The following RPGRIP1L variants were observed in gnomAD, a reference collection of about 807,000 sequenced individuals.
RPGRIP1L encodes the protein RPGRIP1 like.
Under a neutral mutation model 160.4 loss-of-function variants are expected in RPGRIP1L, and 131 were observed. That is an observed-to-expected ratio of 0.82 (90% CI 0.71 to 0.94). The LOEUF (loss-of-function observed/expected upper bound fraction) is 0.94. Among genes scored for constraint, RPGRIP1L ranks in the 40% least tolerant of loss-of-function variants. The probability of loss-of-function intolerance (pLI) is 0.00; values close to 1 mark genes in which losing one functional copy is unlikely to be tolerated. For synonymous variants in RPGRIP1L, 510 were observed against 515.8 expected, an observed-to-expected ratio of 0.99 and a Z score of 0.15; for missense variants, 1,522 against 1,535.8, an observed-to-expected ratio of 0.99 and a Z score of 0.15.
At chr16:53,629,794 A>G (rs555844928) in intron 22 of RPGRIP1L, among the ~76,000 whole-genome samples, 2 of 152,192 alleles carry the variant, frequency 1.3e-5, no homozygotes, top group Non-Finnish European at 2.9e-5. Context: ...GCTATATGGT[A>G]TTCAACTGTG....
Position 53,601,137 on chromosome 16 carries a change from A to T in RPGRIP1L, c.*939T>A, listed in dbSNP as rs781691981. On this transcript the variant is annotated 3_prime_UTR_variant, in exon 27 of 27. Coordinates refer to ENST00000647211, the MANE Select transcript of RPGRIP1L (RefSeq NM_015272.5). Reference sequence around the variant, plus strand: ...AGATTGGGTAAAAGCTAGAAAATTAACTTTCAGAGCTGCTTTTCGAGGATC... The same window carrying T: ...AGATTGGGTAAAAGCTAGAAAATTATCTTTCAGAGCTGCTTTTCGAGGATC... 2.6e-5 allele frequency: 4 copies of T among 152,662 alleles called. No individual in the cohort carries two copies. The highest frequency in any genetic ancestry group is 5.9e-5 in the Non-Finnish European group (4 of 68,048). 9.5% of individuals were successfully genotyped at this position (152,662 alleles called of 1,614,324 possible).
rs370703272 is a variant in RPGRIP1L at position 53,700,707 on chromosome 16, T to A, written c.17A>T (p.Asp6Val). 7 of 1,613,134 alleles carry A rather than the reference T, an allele frequency of 4.3e-6. No individual in the cohort carries two copies. Among genetic ancestry groups the A allele is most frequent in the Non-Finnish European group, 5.1e-6 (6 of 1,179,592 alleles). MSGPTDETAGDLPVKD... is the reference protein window; with the variant it reads MSGPTVETAGDLPVKD... ...CACAGGCAAGTCTCCTGCAGTCTCA[T>A]CAGTTGGACCAGACATGGCCTAGCT... Residue 6 changes from aspartate (D) to valine (V), a missense_variant, in exon 2 of 27, where the codon GAT becomes GTT. Transcript: ENST00000647211.
In RPGRIP1L at chr16:53,648,967, C is replaced by A. The variant is rs1338012833; in HGVS notation, c.2301G>T (p.Gln767His). 7 of 1,613,634 alleles carry A rather than the reference C, an allele frequency of 4.3e-6. No homozygotes were observed. The highest frequency in any genetic ancestry group is 5.1e-6 in the Non-Finnish European group (6 of 1,179,682). ...TSNFKGPEHMQSLSQQAPKTA... is the reference protein window; with the variant it reads ...TSNFKGPEHMHSLSQQAPKTA... ...TCTTAAAGCCAAATGAGCTTACCGACTGCATATGCTCTGGCCCCTTAAAAT... is the reference window on the plus strand; with the variant it reads ...TCTTAAAGCCAAATGAGCTTACCGAATGCATATGCTCTGGCCCCTTAAAAT... The change falls in exon 16 of 27, where the codon CAG becomes CAT. Residue 767 changes from glutamine (Q) to histidine (H), a missense_variant. Gln to His is a conservative substitution (Grantham distance 24). Coordinates refer to ENST00000647211, the MANE Select transcript of RPGRIP1L (RefSeq NM_015272.5).
intron 10 of RPGRIP1L, among the ~76,000 whole-genome samples, chr16:53,661,637 C>T (rs1967808293): frequency 6.6e-6 from 1 of 152,136 alleles, no homozygotes; most frequent in African/African-American, 2.4e-5. Context: ...CATGACTGTT[C>T]CATCTTTATC....
intron 9 of RPGRIP1L, 48 bp from the exon 10 acceptor site, chr16:53,665,057 A>T (rs4133016): frequency 6.2e-7 from 1 of 1,609,792 alleles, no homozygotes; most frequent in African/African-American, 1.3e-5. Flanking sequence ...ATCAGCTTCA[A>T]CCGAAAATAA....
At chr16:53,651,148 T>A (rs980695756) in intron 15 of RPGRIP1L, among the ~76,000 whole-genome samples, 1 of 152,170 alleles carries the variant, frequency 6.6e-6, no homozygotes, top group Admixed American at 6.5e-5. Flanking sequence ...CCTTTCCCAG[T>A]TTTCCCTATC....
intron 16 of RPGRIP1L, among the ~76,000 whole-genome samples, chr16:53,648,043 G>A (rs1430974567): frequency 6.8e-6 from 1 of 146,420 alleles, no homozygotes; most frequent in Non-Finnish European, 1.5e-5. Flanking sequence ...GGCGGAGCTT[G>A]CAGTGAGCAG....
Position 53,692,239 on chromosome 16 carries a change from A to T in RPGRIP1L, c.356T>A (p.Val119Asp). 6.2e-7 allele frequency: 1 copy of T among 1,614,092 alleles called. No individual in the cohort carries two copies. The highest frequency in any genetic ancestry group is 1.3e-5 in the African/African-American group (1 of 75,002). The part of the protein sequence containing the change: ...EEMIEQLQEK[V>D]HELEKQNETL... ...TTCATTTTGTTTTTCAAGCTCATGA[A>T]CTTTCTCTTGCAGCTGCTCAATCAT... is the stretch of plus-strand genomic sequence containing the variant. Residue 119 changes from valine to aspartate, a missense_variant, in exon 4 of 27, where the codon GTT becomes GAT. Val to Asp is a radical substitution (Grantham distance 152). Transcript: ENST00000647211.
intron 15 of RPGRIP1L, among the ~76,000 whole-genome samples, chr16:53,652,183 C>T (rs1221212882): frequency 1.3e-5 from 2 of 152,112 alleles, no homozygotes; most frequent in East Asian, 1.9e-4. Context: ...TCAAGCAATT[C>T]TGCCTCAGCC....
At chr16:53,696,951 T>G (rs1041083155) in intron 2 of RPGRIP1L, among the ~76,000 whole-genome samples, 18 of 152,116 alleles carry the variant, frequency 1.2e-4, no homozygotes, top group Non-Finnish European at 2.1e-4. Flanking sequence ...CTCAGCACTT[T>G]GGGGGGCTGG....
Position 53,687,913 on chromosome 16 carries a change from T to A in RPGRIP1L, c.582A>T (p.Thr194=), listed in dbSNP as rs924608253. Reference sequence around the variant, plus strand: ...CTTCAAGTAAACTGTTGCCATATTTTGTAAACATGGGATGTGGAGTTTCTG... The same window carrying A: ...CTTCAAGTAAACTGTTGCCATATTTAGTAAACATGGGATGTGGAGTTTCTG... ...DVAETPHPMF[T]KYGNSLLEEA... Residue 194 remains threonine, a synonymous_variant, in exon 5 of 27, where the codon ACA becomes ACT. Transcript: ENST00000647211. 1 of 1,612,076 alleles carries A rather than the reference T, an allele frequency of 6.2e-7. No homozygotes were observed. The highest frequency in any genetic ancestry group is 1.7e-5 in the Admixed American group (1 of 59,996).
chr16:53,604,318 C>T (rs977257444), intron 26 of RPGRIP1L, among the ~76,000 whole-genome samples: 3 of 152,198 alleles, frequency 2.0e-5, no homozygotes, highest in South Asian at 2.1e-4. Context: ...TGAACTACAG[C>T]GTAAGCAGAA....
chr16:53,645,456 A>G (rs1391511289), intron 17 of RPGRIP1L, among the ~76,000 whole-genome samples, 169 bp downstream of exon 17: 4 of 152,104 alleles, frequency 2.6e-5, no homozygotes, highest in Non-Finnish European at 4.4e-5. Context: ...TAAGATGCAC[A>G]TAGAGCGACT....
In RPGRIP1L at chr16:53,637,873, A is replaced by C. The variant is rs1479108028; in HGVS notation, c.3061-19T>G. 5.6e-6 allele frequency: 9 copies of C among 1,608,170 alleles called. No individual in the cohort carries two copies. The highest frequency in any genetic ancestry group is 1.7e-5 in the Admixed American group (1 of 59,974). On this transcript the variant is annotated intron_variant, in intron 20 of 26. Transcript: ENST00000647211. Reference sequence around the variant, plus strand: ...GTGAAACCTGAAGAAATCAAAGCACACTGGTATATTTATAATTGCTTAGAT... The same window carrying C: ...GTGAAACCTGAAGAAATCAAAGCACCCTGGTATATTTATAATTGCTTAGAT...
At chr16:53,625,223 C>T (rs988505132) in intron 22 of RPGRIP1L, among the ~76,000 whole-genome samples, 2 of 152,052 alleles carry the variant, frequency 1.3e-5, no homozygotes, top group Non-Finnish European at 2.9e-5. Context: ...GCCTGGCCAC[C>T]CATTGTCTGG....
chr16:53,623,874 T>C (rs777466002), intron 22 of RPGRIP1L, among the ~76,000 whole-genome samples: 12 of 152,180 alleles, frequency 7.9e-5, no homozygotes, highest in Non-Finnish European at 1.8e-4. Context: ...GGAGACTGTG[T>C]ATCTTTTATA....
At chr16:53,640,907 T>G (rs752302618) in intron 19 of RPGRIP1L, 126 bp downstream of exon 19, 24 of 774,038 alleles carry the variant, frequency 3.1e-5, no homozygotes, top group Non-Finnish European at 5.3e-5. Flanking sequence ...AGCAATCACT[T>G]TAATGGGAAA....
intron 14 of RPGRIP1L, among the ~76,000 whole-genome samples, chr16:53,654,619 T>C (rs1302336975): frequency 6.6e-6 from 1 of 152,216 alleles, no homozygotes; most frequent in South Asian, 2.1e-4. Flanking sequence ...GTCAACATCT[T>C]AGGAGTTCCA....
Position 53,638,396 on chromosome 16 carries a change from G to A in RPGRIP1L, c.2974C>T (p.Pro992Ser), listed in dbSNP as rs1225129455. The A allele has an allele frequency of 2.6e-6, 4 of 1,564,648 alleles. No homozygotes were observed. Among genetic ancestry groups the A allele is most frequent in the Admixed American group, 3.3e-5 (2 of 59,808 alleles). ...PHQSDETSPPPEDRKEISPEV... is the reference protein window; with the variant it reads ...PHQSDETSPPSEDRKEISPEV... ...GGTGAAATTTCCTTCCTATCTTCAG[G>A]AGGAGGAGAAGTCTCCTTATATTAA... is the stretch of plus-strand genomic sequence containing the variant. The change falls in exon 20 of 27, where the codon CCT becomes TCT. Residue 992 changes from proline to serine, a missense_variant. Physicochemically the swap from Pro to Ser is moderately conservative, Grantham distance 74. Coordinates refer to ENST00000647211, the MANE Select transcript of RPGRIP1L (RefSeq NM_015272.5).
Sources: gnomAD v4.1 joint callset for allele counts (sites outside exome capture counted in the v4.1 genomes callset) on GRCh38, gnomAD v4.1.1 for gene constraint, MANE v1.5 for transcripts, NCBI Gene and HGNC (gene_info 2026-07-23, HGNC 2026-07-21) for gene names.